The following FGF10 variants were observed in gnomAD, a reference collection of about 807,000 sequenced individuals.
FGF10 encodes the protein fibroblast growth factor 10.
In FGF10, 2 loss-of-function variants were observed where a neutral mutation model predicts 19.8. That is an observed-to-expected ratio of 0.10 (90% confidence interval 0.04 to 0.32). FGF10 has a LOEUF of 0.32. FGF10 is among the 10% of genes least tolerant of loss of function. The pLI is 1.00. For synonymous variants in FGF10, 112 were observed against 94.0 expected (o/e 1.19, Z -1.10); for missense variants, 191 against 246.3 (o/e 0.78, Z 1.50).
chr5:44,330,753 A>G (rs1438025933), intron 1 of FGF10, among the ~76,000 whole-genome samples: 1 of 152,186 alleles, frequency 6.6e-6, no homozygotes, highest in African/African-American at 2.4e-5. Flanking sequence ...TAGGATAGAG[A>G]GCATACATAG....
rs1009500900 is a variant in FGF10 at position 44,304,116 on chromosome 5, C to G, written c.*879G>C. The G allele has an allele frequency of 1.3e-5, 2 of 152,112 alleles. No homozygotes were observed. Among genetic ancestry groups the G allele is most frequent in the Admixed American group, 6.6e-5 (1 of 15,264 alleles). The allele number at this position is 152,112 out of a possible 1,614,324, so 9.4% of individuals were successfully genotyped here. A position where few individuals can be genotyped will look rare whatever the true frequency, so the allele number is the denominator to read the frequency against. On this transcript the variant is annotated 3_prime_UTR_variant, in exon 3 of 3. Coordinates refer to ENST00000264664, the MANE Select transcript of FGF10 (RefSeq NM_004465.2). The stretch of plus-strand genomic sequence containing the variant: ...GACATCTCTCACTCAAGCCATGGCA[C>G]AGCATTGCCATATTTATTGTTGATG...
intron 1 of FGF10, among the ~76,000 whole-genome samples, chr5:44,314,244 G>T (rs1740281788): frequency 6.6e-6 from 1 of 152,100 alleles, no homozygotes; most frequent in African/African-American, 2.4e-5. Context: ...GCTGGGAAAA[G>T]TGAAGTTGGG....
At chr5:44,376,505 A>C (rs1280541043) in intron 1 of FGF10, among the ~76,000 whole-genome samples, 1 of 145,004 alleles carries the variant, frequency 6.9e-6, no homozygotes, top group East Asian at 2.0e-4. Flanking sequence ...AAAAAAAAAA[A>C]AAAAAAAAAA....
chr5:44,367,597 A>G (rs2111874618), intron 1 of FGF10, among the ~76,000 whole-genome samples: 1 of 152,150 alleles, frequency 6.6e-6, no homozygotes, highest in Non-Finnish European at 1.5e-5. Flanking sequence ...AGTAGCTTCA[A>G]ATTTTCCCAT....
chr5:44,315,398 G>C (rs1490248179), intron 1 of FGF10, among the ~76,000 whole-genome samples: 1 of 152,042 alleles, frequency 6.6e-6, no homozygotes, highest in African/African-American at 2.4e-5. Flanking sequence ...CTTGGAGAGA[G>C]AAAGAGCTCA....
At position 44,303,610 on chromosome 5, in the gene FGF10, T is replaced by C. The variant is rs1298737932; in HGVS notation, c.*1385A>G. ...TGGTAAACTCTTATGTACTCTTTTC[T>C]ATACCTGCTCTAACAAAATGAATTT... On this transcript the variant is annotated 3_prime_UTR_variant, in exon 3 of 3. Coordinates refer to ENST00000264664, the MANE Select transcript of FGF10 (RefSeq NM_004465.2). The C allele has an allele frequency of 6.6e-6, 1 of 152,222 alleles. No homozygotes were observed. The highest frequency in any genetic ancestry group is 2.4e-5 in the African/African-American group (1 of 41,466). The allele number at this position is 152,222 out of a possible 1,614,324, so 9.4% of individuals were successfully genotyped here.
chr5:44,335,899 C>G (rs1291915139), intron 1 of FGF10, among the ~76,000 whole-genome samples: 2 of 151,930 alleles, frequency 1.3e-5, no homozygotes, highest in Non-Finnish European at 2.9e-5. Context: ...ATATTAATAA[C>G]AGTAATAACT....
At chr5:44,312,784 G>C (rs1288450385) in intron 1 of FGF10, among the ~76,000 whole-genome samples, 1 of 151,984 alleles carries the variant, frequency 6.6e-6, no homozygotes, top group Non-Finnish European at 1.5e-5. Context: ...AAAATTAATA[G>C]AACAAAGAGG....
At chr5:44,308,177 A>G (rs1044712182) in intron 2 of FGF10, among the ~76,000 whole-genome samples, 13 of 152,244 alleles carry the variant, frequency 8.5e-5, no homozygotes, top group African/African-American at 3.1e-4. Flanking sequence ...AATAATTCAC[A>G]GAGCTTAGAG....
intron 1 of FGF10, among the ~76,000 whole-genome samples, chr5:44,357,985 C>T (rs926000896): frequency 1.3e-5 from 2 of 151,280 alleles, no homozygotes; most frequent in African/African-American, 4.8e-5. Flanking sequence ...AAGTAGAAAT[C>T]GTGTACCCAA....
At chr5:44,386,269 A>G (rs893868393) in intron 1 of FGF10, among the ~76,000 whole-genome samples, 2 of 152,216 alleles carry the variant, frequency 1.3e-5, no homozygotes, top group African/African-American at 2.4e-5. Context: ...TGTGTAAACT[A>G]AAACAGAGCA....
chr5:44,378,558 A>T (rs1741917270), intron 1 of FGF10, among the ~76,000 whole-genome samples: 3 of 152,062 alleles, frequency 2.0e-5, no homozygotes, highest in African/African-American at 7.2e-5. Context: ...CAGCCTCCCC[A>T]GTAGCTGGGA....
intron 1 of FGF10, among the ~76,000 whole-genome samples, chr5:44,354,971 CA>C (rs1345841684): frequency 6.6e-6 from 1 of 151,426 alleles, no homozygotes; most frequent in African/African-American, 2.4e-5. Flanking sequence ...TTTCATTCAT[CA>C]GGCTATCTAG....
At chr5:44,323,508 G>A (rs1171554218) in intron 1 of FGF10, among the ~76,000 whole-genome samples, 1 of 152,164 alleles carries the variant, frequency 6.6e-6, no homozygotes, top group Non-Finnish European at 1.5e-5. Flanking sequence ...CACATGTGGG[G>A]AGGGAGCATT....
intron 1 of FGF10, among the ~76,000 whole-genome samples, chr5:44,376,508 A>C (rs968378406): frequency 7.0e-6 from 1 of 143,582 alleles, no homozygotes; most frequent in African/African-American, 2.5e-5. Flanking sequence ...AAAAAAAAAA[A>C]AAAAAAAAAC....
chr5:44,345,113 A>G (rs1741057965), intron 1 of FGF10, among the ~76,000 whole-genome samples: 1 of 151,922 alleles, frequency 6.6e-6, no homozygotes, highest in Admixed American at 6.6e-5. Flanking sequence ...AATTTATTTT[A>G]AAGCATCCAC....
chr5:44,348,121 C>G (rs916104554), intron 1 of FGF10, among the ~76,000 whole-genome samples: 4 of 151,588 alleles, frequency 2.6e-5, no homozygotes, highest in Admixed American at 6.6e-5. Context: ...TGCCATCTCT[C>G]TATACCATGA....
At chr5:44,387,710 G>A (rs894649284) in intron 1 of FGF10, among the ~76,000 whole-genome samples, 1 of 152,048 alleles carries the variant, frequency 6.6e-6, no homozygotes, top group African/African-American at 2.4e-5. Context: ...TAACTTCATG[G>A]ACTGCAATCA....
At chr5:44,375,620 T>C (rs1741835534) in intron 1 of FGF10, among the ~76,000 whole-genome samples, 1 of 152,086 alleles carries the variant, frequency 6.6e-6, no homozygotes, top group African/African-American at 2.4e-5. Context: ...ACATATGACA[T>C]GGGATGTGAT....
Sources: allele counts gnomAD v4.1 joint callset (sites outside exome capture counted in the v4.1 genomes callset), GRCh38; gene constraint gnomAD v4.1.1; transcripts MANE v1.5; gene names NCBI Gene and HGNC (gene_info 2026-07-23, HGNC 2026-07-21).